TENM3: variants seen among roughly 807,000 people sequenced by gnomAD.
The protein encoded by TENM3 is teneurin transmembrane protein 3.
Under a neutral mutation model 255.1 loss-of-function variants are expected in TENM3, and 63 were observed. The observed-to-expected ratio is 0.25, with a 90% CI of 0.20 to 0.30. The LOEUF (loss-of-function observed/expected upper bound fraction) is 0.30, where lower values mean the gene tolerates loss of function less well. TENM3 is among the 10% of genes least tolerant of loss of function. TENM3 has a pLI of 1.00. For synonymous variants in TENM3, 1,306 were observed against 1,322.3 expected, an observed-to-expected ratio of 0.99 and a Z score of 0.27; for missense variants, 2,929 against 3,461.1, an observed-to-expected ratio of 0.85 and a Z score of 3.86.
the TENM3 span, among the ~76,000 whole-genome samples, chr4:181,568,401 A>C: frequency 6.6e-6 from 1 of 152,056 alleles, no homozygotes; most frequent in Non-Finnish European, 1.5e-5. Context: ...CATGTTAGCC[A>C]GGCTGGTCTG....
chr4:182,346,835 C>G lies in TENM3; in HGVS notation c.417C>G (p.Val139=), dbSNP rs1403344723. 3 of 1,613,224 alleles carry G rather than the reference C, an allele frequency of 1.9e-6. No homozygotes were observed. The highest frequency in any genetic ancestry group is 1.7e-5 in the Admixed American group (1 of 59,926). The stretch of plus-strand genomic sequence containing the variant: ...CCATGAGACTTTGGGGCAGGGGGGT[C>G]AAATCAGGCCGCAGCTCCTGCCTGT... ...EHAMRLWGRG[V]KSGRSSCLSS... Residue 139 remains valine (V), a synonymous_variant, in exon 3 of 28, where the codon GTC becomes GTG. Transcript: ENST00000511685.
the TENM3 span, among the ~76,000 whole-genome samples, chr4:181,945,719 T>C: frequency 2.2e-3 from 338 of 150,974 alleles, 1 homozygote; most frequent in African/African-American, 8.0e-3. Flanking sequence ...ATTTCGTTAA[T>C]TATCTACAAA....
At chr4:182,063,959 G>A in the TENM3 span, among the ~76,000 whole-genome samples, 1 of 152,156 alleles carries the variant, frequency 6.6e-6, no homozygotes, top group Non-Finnish European at 1.5e-5. Context: ...TGCAGGAACA[G>A]ATGATATGGA....
intron 1 of TENM3, among the ~76,000 whole-genome samples, chr4:182,295,360 C>T (rs1337878930): frequency 6.7e-6 from 1 of 149,224 alleles, no homozygotes; most frequent in Non-Finnish European, 1.5e-5. Flanking sequence ...CCCTGCCTCC[C>T]GAGTTCAAGT....
At chr4:181,529,117 T>C in the TENM3 span, among the ~76,000 whole-genome samples, 1 of 152,220 alleles carries the variant, frequency 6.6e-6, no homozygotes, top group Non-Finnish European at 1.5e-5. Flanking sequence ...TTAAAACATC[T>C]TGCCCAATGC....
At chr4:181,870,392 T>A in the TENM3 span, among the ~76,000 whole-genome samples, 5 of 152,154 alleles carry the variant, frequency 3.3e-5, no homozygotes, top group Non-Finnish European at 5.9e-5. Context: ...TAGCAGTATT[T>A]TCGGGTCTTT....
intron 4 of TENM3, among the ~76,000 whole-genome samples, chr4:182,625,912 A>T (rs1036576257): frequency 2.0e-5 from 3 of 152,306 alleles, no homozygotes; most frequent in Non-Finnish European, 4.4e-5. Context: ...CACAGGCCAG[A>T]TCTAGCCCTG....
chr4:181,476,439 G>T, the TENM3 span, among the ~76,000 whole-genome samples: 1 of 152,060 alleles, frequency 6.6e-6, no homozygotes, highest in African/African-American at 2.4e-5. Context: ...ATTTATGACT[G>T]ATTTATTTAT....
intron 3 of TENM3, among the ~76,000 whole-genome samples, chr4:182,349,042 A>G (rs1487992658): frequency 1.3e-5 from 2 of 152,204 alleles, no homozygotes; most frequent in Non-Finnish European, 2.9e-5. Context: ...CAGAATGAAG[A>G]GAGACAGGGA....
chr4:181,779,215 CA>C, the TENM3 span, among the ~76,000 whole-genome samples: 2,112 of 152,108 alleles, frequency 0.014, 56 homozygotes, highest in African/African-American at 0.049. Flanking sequence ...GCTACTGCTC[CA>C]TTTTCATCTT....
At chr4:182,786,476 T>G (rs1422769941) in intron 24 of TENM3, among the ~76,000 whole-genome samples, 1 of 151,500 alleles carries the variant, frequency 6.6e-6, no homozygotes, top group Non-Finnish European at 1.5e-5. Flanking sequence ...GAGAATTGCT[T>G]GAACCTGGAG....
chr4:181,741,989 A>G, the TENM3 span, among the ~76,000 whole-genome samples: 1 of 152,198 alleles, frequency 6.6e-6, no homozygotes, highest in African/African-American at 2.4e-5. Context: ...CTTATTACTT[A>G]TCGCTTGTGT....
the TENM3 span, among the ~76,000 whole-genome samples, chr4:181,744,910 T>G: frequency 2.0e-5 from 3 of 152,194 alleles, no homozygotes; most frequent in Non-Finnish European, 2.9e-5. Flanking sequence ...CCTGCCCAGT[T>G]TTAGATGCCT....
chr4:182,065,661 G>A, the TENM3 span, among the ~76,000 whole-genome samples: 44 of 152,254 alleles, frequency 2.9e-4, no homozygotes, highest in African/African-American at 1.0e-3. Flanking sequence ...TTTGGGCAGA[G>A]ACACACATAG....
the TENM3 span, among the ~76,000 whole-genome samples, chr4:181,788,628 C>T: frequency 1.3e-5 from 2 of 152,098 alleles, no homozygotes; most frequent in Non-Finnish European, 2.9e-5. Flanking sequence ...GACAGGGTCT[C>T]GCTCTGTGGC....
At chr4:182,208,160 A>G (rs902764943) in intron 1 of TENM3, among the ~76,000 whole-genome samples, 1 of 152,236 alleles carries the variant, frequency 6.6e-6, no homozygotes, top group African/African-American at 2.4e-5. Flanking sequence ...TGTACTTTAT[A>G]AATGCTTTAT....
chr4:182,715,984 T>C (rs888744606), intron 13 of TENM3, among the ~76,000 whole-genome samples: 5 of 150,466 alleles, frequency 3.3e-5, no homozygotes, highest in African/African-American at 1.3e-4. Flanking sequence ...AGGTGGCCCG[T>C]AGCCTTCACA....
At chr4:182,090,370 AT>A in the TENM3 span, among the ~76,000 whole-genome samples, 2 of 152,332 alleles carry the variant, frequency 1.3e-5, no homozygotes, top group South Asian at 4.1e-4. Flanking sequence ...CAGCTGCTCC[AT>A]CAGTCCATTA....
intron 3 of TENM3, among the ~76,000 whole-genome samples, chr4:182,529,523 T>C (rs1175360156): frequency 3.9e-5 from 6 of 152,126 alleles, no homozygotes; most frequent in African/African-American, 1.4e-4. Flanking sequence ...GTTTTTAGCT[T>C]CCATTTCATT....
Sources: allele counts gnomAD v4.1 joint callset (sites outside exome capture counted in the v4.1 genomes callset), GRCh38; gene constraint gnomAD v4.1.1; transcripts MANE v1.5; gene names NCBI Gene and HGNC (gene_info 2026-07-23, HGNC 2026-07-21).